EIF2A: variants seen among roughly 807,000 people sequenced by gnomAD.
EIF2A encodes the protein eukaryotic translation initiation factor 2A, also known as 65 kDa eukaryotic translation initiation factor 2A.
A neutral mutation model predicts 75.2 loss-of-function variants in EIF2A; 62 were observed. That is an observed-to-expected ratio of 0.82 (90% CI 0.67 to 1.02). EIF2A has a LOEUF of 1.02. Among genes scored for constraint, EIF2A ranks in the 50% least tolerant of loss-of-function variants. The pLI, the probability that EIF2A is intolerant of heterozygous loss-of-function variation, is 0.00. For synonymous variants in EIF2A, 207 were observed against 239.0 expected, an observed-to-expected ratio of 0.87 and a Z score of 1.23; for missense variants, 611 against 677.7, an observed-to-expected ratio of 0.90 and a Z score of 1.09.
intron 12 of EIF2A, 116 bp downstream of exon 12, chr3:150,581,862 C>CA: frequency 8.0e-7 from 1 of 1,251,310 alleles, no homozygotes; most frequent in Middle Eastern, 2.3e-4. Flanking sequence ...CAGCAGTTCT[C>CA]ATTGTTGTTT....
At chr3:150,565,819 G>A (rs1724148614) in intron 6 of EIF2A, 1 of 126,754 alleles carries the variant, frequency 7.9e-6, no homozygotes, top group Non-Finnish European at 1.6e-5. Flanking sequence ...TTTTGAGATG[G>A]AGTTTCGCTG....
chr3:150,577,903 C>T (rs1450546473), intron 11 of EIF2A, among the ~76,000 whole-genome samples: 1 of 152,104 alleles, frequency 6.6e-6, no homozygotes, highest in East Asian at 1.9e-4. Flanking sequence ...CCATTCTGTT[C>T]ATTTGTAGTT....
intron 2 of EIF2A, among the ~76,000 whole-genome samples, chr3:150,556,700 TTG>T (rs1723589097): frequency 6.6e-6 from 1 of 152,208 alleles, no homozygotes; most frequent in African/African-American, 2.4e-5. Flanking sequence ...TCTCTATTTT[TTG>T]TGTATGTTTG....
chr3:150,546,819 C>A lies in EIF2A; in HGVS notation c.17C>A (p.Pro6Gln). The change falls in exon 1 of 14, where the codon CCG (proline) becomes CAG (glutamine). Residue 6 changes from proline to glutamine, a missense_variant. Pro to Gln is a moderately conservative substitution (Grantham distance 76, BLOSUM62 -1). Coordinates refer to ENST00000460851, the MANE Select transcript of EIF2A (RefSeq NM_032025.5). ...CGGGACAACATGGCGCCGTCCACGC[C>A]GCTCTTGACAGGTGAGTTCTGAAGA... MAPST[P>Q]LLTVRGSEGL... 6.2e-7 allele frequency: 1 copy of A among 1,612,508 alleles called. No homozygotes were observed. Among genetic ancestry groups the A allele is most frequent in the Non-Finnish European group, 8.5e-7 (1 of 1,179,890 alleles).
chr3:150,583,908 T>C lies in EIF2A; in HGVS notation c.1755T>C (p.Ile585=). ...AGCTGGAAGATTTGGAATTGGGTAT[T>C]TAAAGATTCACGGAAAGCAAGTTGA... The part of the protein sequence containing the change: ...LQELEDLELG[I] Residue 585 remains isoleucine (I), a synonymous_variant, in exon 14 of 14, where the codon ATT becomes ATC. Transcript: ENST00000460851. The C allele has an allele frequency of 6.2e-7, 1 of 1,613,544 alleles. No homozygotes were observed.
chr3:150,575,376 G>A (rs1166402262), intron 10 of EIF2A, among the ~76,000 whole-genome samples: 8 of 152,166 alleles, frequency 5.3e-5, no homozygotes, highest in Non-Finnish European at 7.3e-5. Flanking sequence ...TGTGTCTGTA[G>A]TAGTGCTAAG....
At chr3:150,573,640 AG>A (rs976692910) in intron 10 of EIF2A, among the ~76,000 whole-genome samples, 1 of 152,144 alleles carries the variant, frequency 6.6e-6, no homozygotes, top group African/African-American at 2.4e-5. Context: ...AAATCATTTT[AG>A]TTGAAGTAGC....
In EIF2A at chr3:150,562,596, G is replaced by A. The variant is rs1723947940; in HGVS notation, c.228G>A (p.Leu76=). 2 of 1,613,644 alleles carry A rather than the reference G, an allele frequency of 1.2e-6. No individual in the cohort carries two copies. The highest frequency in any genetic ancestry group is 8.5e-7 in the Non-Finnish European group (1 of 1,179,730). Residue 76 remains leucine (L), a synonymous_variant, in exon 4 of 14, where the codon CTG becomes CTA. Transcript: ENST00000460851. ...GACTACTGCACTCCTTCGACCTCCT[G>A]AAGGCAGTTTGCCTTGAATTCTCAC... ...NKGLLHSFDL[L]KAVCLEFSPK...
At chr3:150,565,612 A>C (rs1258533984) in intron 6 of EIF2A, among the ~76,000 whole-genome samples, 1 of 151,926 alleles carries the variant, frequency 6.6e-6, no homozygotes, top group African/African-American at 2.4e-5. Flanking sequence ...CTTTTGTCCA[A>C]GCTGAGTGCA....
At chr3:150,583,098 A>G (rs1373545471) in intron 12 of EIF2A, 102 bp from the exon 13 acceptor site, 1 of 961,974 alleles carries the variant, frequency 1.0e-6, no homozygotes, top group Non-Finnish European at 1.5e-6. Flanking sequence ...TACAAATCTA[A>G]GATAATTAAT....
intron 9 of EIF2A, among the ~76,000 whole-genome samples, chr3:150,569,459 G>T (rs1358262288): frequency 6.6e-6 from 1 of 151,724 alleles, no homozygotes; most frequent in Non-Finnish European, 1.5e-5. Flanking sequence ...TGTAAGGTTG[G>T]TGTTGAAAAA....
intron 6 of EIF2A, 62 bp downstream of exon 6, chr3:150,564,443 C>CT: frequency 7.5e-7 from 1 of 1,327,556 alleles, no homozygotes; most frequent in Non-Finnish European, 1.0e-6. Context: ...TTTCCATTAA[C>CT]TTTTATGACA....
chr3:150,568,233 A>C lies in EIF2A; in HGVS notation c.752A>C (p.Tyr251Ser). The C allele has an allele frequency of 6.2e-7, 1 of 1,613,820 alleles. No homozygotes were observed. The highest frequency in any genetic ancestry group is 8.5e-7 in the Non-Finnish European group (1 of 1,179,784). Residue 251 changes from tyrosine to serine, a missense_variant, in exon 9 of 14, where the codon TAT (tyrosine) becomes TCT (serine). By Grantham distance (144) the Tyr-to-Ser change is moderately radical. Transcript: ENST00000460851. Reference sequence around the variant, plus strand: ...GTTGACAAGACAGGAGCTTCCTACTATGGAGAACAAACTCTACACTACATT... The same window carrying C: ...GTTGACAAGACAGGAGCTTCCTACTCTGGAGAACAAACTCTACACTACATT... ...TDVDKTGASY[Y>S]GEQTLHYIAT... is the part of the protein sequence containing the mutation.
chr3:150,581,932 G>A (rs1453719433), intron 12 of EIF2A, among the ~76,000 whole-genome samples, 186 bp downstream of exon 12: 2 of 152,126 alleles, frequency 1.3e-5, no homozygotes, highest in Admixed American at 1.3e-4. Flanking sequence ...ATTCATAAAT[G>A]TCTGAAGACT....
chr3:150,554,636 G>A (rs1329026751), intron 2 of EIF2A, among the ~76,000 whole-genome samples: 1 of 152,174 alleles, frequency 6.6e-6, no homozygotes, highest in Non-Finnish European at 1.5e-5. Context: ...CAAATCTGGG[G>A]ACCCCCCTTT....
At position 150,572,379 on chromosome 3, in the gene EIF2A, T is replaced by G. The variant is rs1184342328; in HGVS notation, c.1233T>G (p.Val411=). The part of the protein sequence containing the change: ...DVPSNAELWQ[V]SWQPFLDGIF... ...CATCAAATGCAGAATTATGGCAGGTTTCTTGGCAGCCATTTTTGGATGGAA... is the reference window on the plus strand; with the variant it reads ...CATCAAATGCAGAATTATGGCAGGTGTCTTGGCAGCCATTTTTGGATGGAA... The change falls in exon 10 of 14, where the codon GTT becomes GTG. Residue 411 remains valine (V), a synonymous_variant. Coordinates refer to ENST00000460851, the MANE Select transcript of EIF2A (RefSeq NM_032025.5). The G allele has an allele frequency of 3.1e-6, 5 of 1,613,984 alleles. No individual in the cohort carries two copies. The highest frequency in any genetic ancestry group is 4.2e-6 in the Non-Finnish European group (5 of 1,179,892).
intron 1 of EIF2A, among the ~76,000 whole-genome samples, chr3:150,549,667 G>C (rs1723222143): frequency 6.6e-6 from 1 of 152,134 alleles, no homozygotes; most frequent in Admixed American, 6.6e-5. Flanking sequence ...AGCTGCCTTT[G>C]ACTTTGCTTG....
intron 12 of EIF2A, 114 bp from the exon 13 acceptor site, chr3:150,583,086 G>A (rs1725281987): frequency 1.2e-6 from 1 of 864,836 alleles, no homozygotes; most frequent in Non-Finnish European, 1.8e-6. Context: ...GACCATTGTT[G>A]ATACAAATCT....
Position 150,564,359 on chromosome 3 carries a change from C to A in EIF2A, c.453C>A (p.His151Gln). The A allele has an allele frequency of 6.2e-7, 1 of 1,601,232 alleles. No homozygotes were observed. Residue 151 changes from histidine to glutamine, a missense_variant, in exon 6 of 14, where the codon CAC (histidine) becomes CAA (glutamine). His to Gln is a conservative substitution (Grantham distance 24). Coordinates refer to ENST00000460851, the MANE Select transcript of EIF2A (RefSeq NM_032025.5). Reference protein sequence around the residue: ...LCARNVNNEVHFFENNNFNTI... With the variant: ...LCARNVNNEVQFFENNNFNTI... ...CCCGCAATGTTAACAATGAAGTTCA[C>A]TTCTTTGAAAACAACAATTTTAGTA...
Sources: allele counts gnomAD v4.1 joint callset (sites outside exome capture counted in the v4.1 genomes callset), GRCh38; gene constraint gnomAD v4.1.1; transcripts MANE v1.5; gene names NCBI Gene and HGNC (gene_info 2026-07-23, HGNC 2026-07-21).